KPNA6: variants seen among roughly 807,000 people sequenced by gnomAD.
The protein encoded by KPNA6 is importin subunit alpha-7.
A neutral mutation model predicts 72.0 loss-of-function variants in KPNA6; 9 were observed. That is an observed-to-expected ratio of 0.13 (90% confidence interval 0.08 to 0.22). KPNA6 has a LOEUF of 0.22. KPNA6 is among the 10% of genes least tolerant of loss of function. The probability of loss-of-function intolerance (pLI) is 1.00; values close to 1 mark genes in which losing one functional copy is unlikely to be tolerated. For missense variants in KPNA6, 374 were observed against 655.7 expected, an observed-to-expected ratio of 0.57 and a Z score of 4.69; for synonymous variants, 219 against 242.1, an observed-to-expected ratio of 0.90 and a Z score of 0.89.
rs1274129995 is a variant in KPNA6 at position 32,172,085 on chromosome 1, C to T, written c.*1191C>T. ...TTTATATTCTATATATTAGGTAGGT[C>T]AATCTTAATTGGTCTCAAGAGGAAG... On this transcript the variant is annotated 3_prime_UTR_variant, in exon 14 of 14. Transcript: ENST00000373625. The T allele has an allele frequency of 2.0e-5, 3 of 152,042 alleles. No individual in the cohort carries two copies. The highest frequency in any genetic ancestry group is 2.9e-5 in the Non-Finnish European group (2 of 68,022). 9.4% of individuals were successfully genotyped at this position (152,042 alleles called of 1,614,324 possible).
At chr1:32,142,255 CAAAAAAAAAAAAAA>C (rs763008502) in intron 1 of KPNA6, among the ~76,000 whole-genome samples, 2 of 55,306 alleles carry the variant, frequency 3.6e-5, no homozygotes, top group Admixed American at 2.3e-4. Flanking sequence ...GACCCTGTCT[CAAAAAAAAAAAAAA>C]AAAAAAAAAA....
intron 3 of KPNA6, 87 bp from the exon 4 acceptor site, chr1:32,157,259 T>C (rs960956534): frequency 1.3e-5 from 13 of 1,014,454 alleles, no homozygotes; most frequent in East Asian, 2.4e-5. Flanking sequence ...CTCAGTTTTT[T>C]AGAAAACAGG....
chr1:32,151,808 A>G (rs1277815539), intron 1 of KPNA6, among the ~76,000 whole-genome samples: 1 of 152,228 alleles, frequency 6.6e-6, no homozygotes, highest in Non-Finnish European at 1.5e-5. Context: ...AGTGATAACT[A>G]TATTAATATC....
intron 1 of KPNA6, among the ~76,000 whole-genome samples, chr1:32,122,366 C>G (rs1278210746): frequency 7.2e-6 from 1 of 139,592 alleles, no homozygotes; most frequent in Non-Finnish European, 1.5e-5. Context: ...TGAGTGCTGC[C>G]AAGAGAACAA....
At chr1:32,113,942 A>G (rs1023664641) in intron 1 of KPNA6, among the ~76,000 whole-genome samples, 1 of 152,162 alleles carries the variant, frequency 6.6e-6, no homozygotes, top group African/African-American at 2.4e-5. Context: ...CATCTGCAGT[A>G]ACTTGCTCCA....
At chr1:32,144,812 A>G (rs1308743977) in intron 1 of KPNA6, among the ~76,000 whole-genome samples, 2 of 151,928 alleles carry the variant, frequency 1.3e-5, no homozygotes, top group Non-Finnish European at 2.9e-5. Flanking sequence ...CACCATGCCC[A>G]GCTAATTTTG....
intron 1 of KPNA6, among the ~76,000 whole-genome samples, chr1:32,127,609 G>A (rs977098219): frequency 6.6e-6 from 1 of 152,224 alleles, no homozygotes; most frequent in Non-Finnish European, 1.5e-5. Context: ...TTTGTCTGAA[G>A]ACGAGTTGTG....
intron 2 of KPNA6, among the ~76,000 whole-genome samples, chr1:32,155,909 T>C (rs962064694): frequency 1.3e-5 from 2 of 148,424 alleles, no homozygotes; most frequent in Non-Finnish European, 3.0e-5. Context: ...CGGCTAATTT[T>C]TGTGGATTTT....
At chr1:32,157,898 A>G (rs1415182146) in intron 4 of KPNA6, among the ~76,000 whole-genome samples, 1 of 152,196 alleles carries the variant, frequency 6.6e-6, no homozygotes, top group African/African-American at 2.4e-5. Flanking sequence ...GATTGGAAAA[A>G]TACCTCTTGT....
intron 7 of KPNA6, 124 bp downstream of exon 7, chr1:32,160,827 T>C (rs1642224828): frequency 1.5e-6 from 1 of 689,578 alleles, no homozygotes; most frequent in African/African-American, 1.8e-5. Flanking sequence ...AAATGCATTC[T>C]GATTGCCAAA....
At chr1:32,156,746 A>G (rs1642150848) in intron 2 of KPNA6, 107 bp from the exon 3 acceptor site, 4 of 796,322 alleles carry the variant, frequency 5.0e-6, no homozygotes, top group Non-Finnish European at 8.2e-6. Flanking sequence ...CTCACTTCTC[A>G]GCTACTCTAG....
chr1:32,119,013 TATATATATATATATA>T (rs1641379342), intron 1 of KPNA6, among the ~76,000 whole-genome samples: 23 of 75,760 alleles, frequency 3.0e-4, no homozygotes, highest in African/African-American at 1.4e-3. Context: ...TATATATATA[TATATATATATATATA>T]TATATTTTTT....
intron 1 of KPNA6, among the ~76,000 whole-genome samples, chr1:32,140,403 A>T (rs1641817097): frequency 6.6e-6 from 1 of 152,082 alleles, no homozygotes; most frequent in East Asian, 1.9e-4. Flanking sequence ...AAAAAAGAAG[A>T]AGGTCCTTAT....
chr1:32,173,400 T>C lies in KPNA6; in HGVS notation c.*2506T>C, dbSNP rs1642472852. 9.9e-6 allele frequency: 3 copies of C among 303,088 alleles called. No homozygotes were observed. Among genetic ancestry groups the C allele is most frequent in the Non-Finnish European group, 1.8e-5 (3 of 166,714 alleles). The allele number at this position is 303,088 out of a possible 1,614,324, so 18.8% of individuals were successfully genotyped here. A position where few individuals can be genotyped will look rare whatever the true frequency, so the allele number is the denominator to read the frequency against. On this transcript the variant is annotated 3_prime_UTR_variant, in exon 14 of 14. Transcript: ENST00000373625. The stretch of plus-strand genomic sequence containing the variant: ...GTCCTGTACCAGATGGAAAATGTTT[T>C]TGGTGATCTGGCTGCTGCTTAAAGC...
At chr1:32,147,699 G>C (rs1358003797) in intron 1 of KPNA6, among the ~76,000 whole-genome samples, 1 of 103,796 alleles carries the variant, frequency 9.6e-6, no homozygotes, top group South Asian at 3.2e-4. Context: ...TTGCCCTGTT[G>C]CCCAGGCTGG....
intron 1 of KPNA6, among the ~76,000 whole-genome samples, chr1:32,141,830 C>T (rs922239843): frequency 4.6e-5 from 7 of 152,108 alleles, no homozygotes; most frequent in African/African-American, 1.2e-4. Context: ...CAGACACTGG[C>T]AGGAGTCGGT....
At chr1:32,148,447 G>A (rs745728987) in intron 1 of KPNA6, among the ~76,000 whole-genome samples, 6 of 151,552 alleles carry the variant, frequency 4.0e-5, no homozygotes, top group Non-Finnish European at 8.8e-5. Context: ...TCCTTCATGT[G>A]TAGATTCATG....
intron 1 of KPNA6, among the ~76,000 whole-genome samples, chr1:32,132,238 G>A (rs1057281876): frequency 3.3e-5 from 5 of 151,954 alleles, no homozygotes; most frequent in South Asian, 4.1e-4. Context: ...CCCAAAGTGC[G>A]GGGATTACAG....
chr1:32,121,069 G>A (rs1358758658), intron 1 of KPNA6, among the ~76,000 whole-genome samples: 1 of 152,124 alleles, frequency 6.6e-6, no homozygotes, highest in African/African-American at 2.4e-5. Flanking sequence ...TAGAGATGGG[G>A]TTTCAGCATA....
Sources: gnomAD v4.1 joint callset for allele counts (sites outside exome capture counted in the v4.1 genomes callset) on GRCh38, gnomAD v4.1.1 for gene constraint, MANE v1.5 for transcripts, NCBI Gene and HGNC (gene_info 2026-07-23, HGNC 2026-07-21) for gene names.